Variants in ADAMTS6 observed in about 807,000 individuals in gnomAD.
ADAMTS6 encodes A disintegrin and metalloproteinase with thrombospondin motifs 6.
A neutral mutation model predicts 144.3 loss-of-function variants in ADAMTS6; 23 were observed. That is an observed-to-expected ratio of 0.16 (90% CI 0.11 to 0.23). The LOEUF (loss-of-function observed/expected upper bound fraction) is 0.23. ADAMTS6 is among the 10% of genes least tolerant of loss of function. The pLI is 1.00. For missense variants in ADAMTS6, 999 were observed against 1,379.6 expected, an observed-to-expected ratio of 0.72 and a Z score of 4.37; for synonymous variants, 444 against 457.5, an observed-to-expected ratio of 0.97 and a Z score of 0.38.
intron 7 of ADAMTS6, among the ~76,000 whole-genome samples, chr5:65,440,008 A>T (rs1024334181): frequency 6.6e-6 from 1 of 152,014 alleles, no homozygotes; most frequent in Non-Finnish European, 1.5e-5. Flanking sequence ...GGGTTTTGCC[A>T]TGTTACCCAG....
rs1758816224 is a variant in ADAMTS6, at chr5:65,452,327, T to C, written c.844-111A>G. 4.8e-6 allele frequency: 4 copies of C among 827,508 alleles called. No individual in the cohort carries two copies. In the South Asian group the frequency reaches 7.0e-5, roughly 14 times the overall value. The allele number at this position is 827,508 out of a possible 1,614,324, so 51.3% of individuals were successfully genotyped here. ...TTTATAAATTTAGCCATTGTATACA[T>C]TACCCCATATCACTTAGAACTCTAC... On this transcript the variant is annotated intron_variant, in intron 5 of 24. Transcript: ENST00000381055.
At position 65,460,160 on chromosome 5, in the gene ADAMTS6, A is replaced by G. The variant is rs116166366; in HGVS notation, c.631+10T>C. 15,276 of 1,613,466 alleles carry G rather than the reference A, an allele frequency of 9.5e-3. 91 individuals are homozygous for G. The highest frequency in any genetic ancestry group is 0.012 in the Non-Finnish European group (13,616 of 1,179,738). On this transcript the variant is annotated intron_variant, in intron 4 of 24. Coordinates refer to ENST00000381055, the MANE Select transcript of ADAMTS6 (RefSeq NM_197941.4). ...ACAATACGCTTTGTAAAAGCTGCAC[A>G]CTCACTCACCCGAAACCCCACAATG... is the stretch of plus-strand genomic sequence containing the variant.
chr5:65,325,794 C>A (rs113131971), intron 9 of ADAMTS6, among the ~76,000 whole-genome samples: 2 of 152,234 alleles, frequency 1.3e-5, no homozygotes, highest in African/African-American at 2.4e-5. Context: ...TGTCTGACTA[C>A]AAATTGTAAT....
chr5:65,278,195 T>A (rs554061005), intron 11 of ADAMTS6, among the ~76,000 whole-genome samples: 3 of 152,338 alleles, frequency 2.0e-5, no homozygotes, highest in African/African-American at 7.2e-5. Context: ...CCACAAGGTG[T>A]ATATACCAGT....
intron 10 of ADAMTS6, among the ~76,000 whole-genome samples, chr5:65,293,802 T>G (rs968052611): frequency 6.6e-6 from 1 of 152,064 alleles, no homozygotes; most frequent in Non-Finnish European, 1.5e-5. Flanking sequence ...ATCCCAAAAG[T>G]GTATTTTTGT....
intron 23 of ADAMTS6, among the ~76,000 whole-genome samples, chr5:65,171,756 C>T (rs934380183): frequency 9.2e-5 from 14 of 151,980 alleles, no homozygotes; most frequent in African/African-American, 1.5e-4. Flanking sequence ...TAAGGGATTG[C>T]CAGCCACACA....
At chr5:65,224,233 G>T (rs1757549355) in intron 18 of ADAMTS6, 87 bp downstream of exon 18, 4 of 1,079,956 alleles carry the variant, frequency 3.7e-6, no homozygotes, top group Middle Eastern at 2.0e-4. Flanking sequence ...CTACCTCAAA[G>T]AAGCATGCCT....
chr5:65,359,375 T>A (rs1749617981), intron 7 of ADAMTS6, among the ~76,000 whole-genome samples: 1 of 152,118 alleles, frequency 6.6e-6, no homozygotes, highest in African/African-American at 2.4e-5. Context: ...ATCATACCTG[T>A]TAGAATGGCT....
chr5:65,164,462 C>T (rs1753021473), intron 24 of ADAMTS6, among the ~76,000 whole-genome samples: 1 of 144,134 alleles, frequency 6.9e-6, no homozygotes, highest in South Asian at 2.2e-4. Context: ...GGAGGGGCGC[C>T]CGCCATTGCC....
chr5:65,416,498 T>A (rs1755522359), intron 7 of ADAMTS6, among the ~76,000 whole-genome samples: 1 of 152,194 alleles, frequency 6.6e-6, no homozygotes, highest in Non-Finnish European at 1.5e-5. Context: ...TGACTATTAA[T>A]AGCAGCATTA....
rs533301048 is a variant in ADAMTS6 at position 65,232,026 on chromosome 5, A to C, written c.1934-5807T>G. Reference sequence around the variant, plus strand: ...CTCGGGAGGCTGAGGCAGGAGAATCACTTGACCCTGGGAAGTGGAGGTTGC... The same window carrying C: ...CTCGGGAGGCTGAGGCAGGAGAATCCCTTGACCCTGGGAAGTGGAGGTTGC... On this transcript the variant is annotated intron_variant, in intron 15 of 24. Transcript: ENST00000381055. 1.4e-4 allele frequency among the ~76,000 whole-genome samples: 22 copies of C among 152,134 alleles called. 1 individual carries two copies. Among genetic ancestry groups the C allele is most frequent in the African/African-American group, 5.1e-4 (21 of 41,518 alleles).
intron 20 of ADAMTS6, among the ~76,000 whole-genome samples, chr5:65,199,478 G>A (rs1259249260): frequency 2.0e-5 from 3 of 152,076 alleles, no homozygotes; most frequent in Non-Finnish European, 2.9e-5. Flanking sequence ...TTCATTTTAT[G>A]ATAAATTCTA....
At chr5:65,272,999 C>A (rs869969) in intron 12 of ADAMTS6, among the ~76,000 whole-genome samples, 4,795 of 151,252 alleles carry the variant, frequency 0.032, 259 homozygotes, top group African/African-American at 0.11. Context: ...CATAATTTTC[C>A]GGGGAATTAT....
intron 9 of ADAMTS6, among the ~76,000 whole-genome samples, chr5:65,324,822 A>C (rs894164025): frequency 1.3e-5 from 2 of 152,172 alleles, no homozygotes; most frequent in Non-Finnish European, 2.9e-5. Flanking sequence ...CCATGCTACC[A>C]ACCGTATCAT....
At chr5:65,261,169 A>T (rs960384933) in intron 13 of ADAMTS6, among the ~76,000 whole-genome samples, 2 of 152,158 alleles carry the variant, frequency 1.3e-5, no homozygotes, top group Non-Finnish European at 2.9e-5. Flanking sequence ...TGCAAAAACA[A>T]ATTTCCATCT....
chr5:65,397,333 A>G (rs911307232), intron 7 of ADAMTS6, among the ~76,000 whole-genome samples: 1 of 151,356 alleles, frequency 6.6e-6, no homozygotes, highest in African/African-American at 2.4e-5. Flanking sequence ...CCTAATTTTT[A>G]TTATTCATTT....
chr5:65,275,359 GAA>G (rs1312656582), intron 11 of ADAMTS6, among the ~76,000 whole-genome samples: 26 of 32,796 alleles, frequency 7.9e-4, no homozygotes, highest in African/African-American at 1.5e-3. Flanking sequence ...AGAAGAGAAA[GAA>G]AGAAAGAAAG....
Position 65,464,834 on chromosome 5 carries a change from C to A in ADAMTS6, c.463-4496G>T, listed in dbSNP as rs977808973. Among the ~76,000 whole-genome samples, 8 of 152,292 alleles carry A rather than the reference C, an allele frequency of 5.3e-5. No homozygotes were observed. In the South Asian group the frequency reaches 1.7e-3, roughly 32 times the overall value. On this transcript the variant is annotated intron_variant, in intron 3 of 24. Transcript: ENST00000381055. ...TTTCTAAAACTGTCCCTCTAATATG[C>A]CAACTCCAAGGGATAGTCCTTTTAT...
intron 9 of ADAMTS6, among the ~76,000 whole-genome samples, chr5:65,316,538 G>A (rs903893566): frequency 1.3e-5 from 2 of 152,090 alleles, no homozygotes; most frequent in Admixed American, 6.6e-5. Flanking sequence ...ATTGAAAGAT[G>A]AGTACTGTCA....
Sources: allele counts gnomAD v4.1 joint callset (sites outside exome capture counted in the v4.1 genomes callset), GRCh38; gene constraint gnomAD v4.1.1; transcripts MANE v1.5; gene names NCBI Gene and HGNC (gene_info 2026-07-23, HGNC 2026-07-21).